The following BFSP1 variants were observed in gnomAD, a reference collection of about 807,000 sequenced individuals.
BFSP1 encodes beaded filament structural protein 1.
BFSP1 carries 38 observed loss-of-function variants against 43.9 expected under a neutral mutation model. That is an observed-to-expected ratio of 0.87 (90% confidence interval 0.67 to 1.14). The LOEUF is 1.14. BFSP1 is among the 50% of genes most tolerant of loss of function. The probability of loss-of-function intolerance (pLI) is 0.00; values close to 1 mark genes in which losing one functional copy is unlikely to be tolerated. For missense variants in BFSP1, 850 were observed against 875.1 expected, an observed-to-expected ratio of 0.97 and a Z score of 0.36; for synonymous variants, 352 against 354.8, an observed-to-expected ratio of 0.99 and a Z score of 0.09.
intron 1 of BFSP1, among the ~76,000 whole-genome samples, chr20:17,551,634 T>C (rs2034896820): frequency 6.6e-6 from 1 of 152,148 alleles, no homozygotes; most frequent in Non-Finnish European, 1.5e-5. Context: ...CAAATATGTA[T>C]TGACAACCTA....
chr20:17,536,236 A>C (rs952293886), upstream of BFSP1, among the ~76,000 whole-genome samples: 1 of 152,252 alleles, frequency 6.6e-6, no homozygotes, highest in African/African-American at 2.4e-5. Context: ...TTTAATGTTC[A>C]TCATATCTTT....
intron 1 of BFSP1, among the ~76,000 whole-genome samples, chr20:17,558,170 T>TTAGG (rs397957348): frequency 2.6e-5 from 4 of 151,408 alleles, no homozygotes; most frequent in Non-Finnish European, 5.9e-5. Context: ...TTTTTTTTTT[T>TTAGG]AGGAGAAAAA....
chr20:17,508,815 G>A, intron 5 of BFSP1, 74 bp downstream of exon 5: 1 of 1,317,058 alleles, frequency 7.6e-7, no homozygotes, highest in Non-Finnish European at 1.0e-6. Flanking sequence ...CAAGCTGCAT[G>A]CGTGTGCCTG....
In BFSP1 at chr20:17,530,975, C is replaced by A; in HGVS notation, c.355G>T (p.Ala119Ser). 1 of 1,438,882 alleles carries A rather than the reference C, an allele frequency of 6.9e-7. No homozygotes were observed. Among genetic ancestry groups the A allele is most frequent in the Non-Finnish European group, 9.1e-7 (1 of 1,099,772 alleles). The allele number at this position is 1,438,882 out of a possible 1,614,324, so 89.1% of individuals were successfully genotyped here. A position where few individuals can be genotyped will look rare whatever the true frequency, so the allele number is the denominator to read the frequency against. ...LERQGTEAQR[A>S]LDEFRSKYEN... ...TACTTGCTTCGGAACTCGTCGAGCGCGCGCTGCGCCTCGGTGCCCTGGCGC... is the reference window on the plus strand; with the variant it reads ...TACTTGCTTCGGAACTCGTCGAGCGAGCGCTGCGCCTCGGTGCCCTGGCGC... The change falls in exon 1 of 8, where the codon GCG becomes TCG. Residue 119 changes from alanine to serine, a missense_variant. Coordinates refer to ENST00000377873, the MANE Select transcript of BFSP1 (RefSeq NM_001195.5).
rs148783101 is a variant in BFSP1 at position 17,515,725 on chromosome 20, C to T, written c.439-909G>A. On this transcript the variant is annotated intron_variant, in intron 2 of 7. Transcript: ENST00000377873. ...ATTACAGGTGAGCATTACTTGGGTT[C>T]ATCAGGATTCCCCAGTCTCCCAAGA... Among the ~76,000 whole-genome samples, 14 of 152,278 alleles carry T rather than the reference C, an allele frequency of 9.2e-5. No homozygotes were observed. In the East Asian group the frequency reaches 2.5e-3, roughly 27 times the overall value.
chr20:17,496,835 C>A, intron 7 of BFSP1, 103 bp downstream of exon 7: 7 of 1,018,618 alleles, frequency 6.9e-6, no homozygotes, highest in Admixed American at 3.6e-5. Flanking sequence ...CATTTAATTT[C>A]CAGATGGATC....
chr20:17,511,199 A>G (rs961122659), intron 4 of BFSP1, among the ~76,000 whole-genome samples: 8 of 152,228 alleles, frequency 5.3e-5, no homozygotes, highest in African/African-American at 1.9e-4. Flanking sequence ...TTGAGCAGCT[A>G]GAGAGTCAAA....
intron 5 of BFSP1, among the ~76,000 whole-genome samples, chr20:17,503,961 T>A (rs910199809): frequency 1.1e-4 from 16 of 152,246 alleles, no homozygotes; most frequent in Non-Finnish European, 2.1e-4. Context: ...ACCTGTGATC[T>A]TTCTACCCTA....
In BFSP1 at chr20:17,531,358, C is replaced by G; in HGVS notation, c.-29G>C. ...TGCTCTGGCGCGGGCGCGCGGGCGG[C>G]GCCGAGCCGGCTCTCCAGGAGGCCC... On this transcript the variant is annotated 5_prime_UTR_variant, in exon 1 of 8. Coordinates refer to ENST00000377873, the MANE Select transcript of BFSP1 (RefSeq NM_001195.5). 7.4e-7 allele frequency: 1 copy of G among 1,350,764 alleles called. No homozygotes were observed. The highest frequency in any genetic ancestry group is 3.2e-5 in the East Asian group (1 of 31,496). 83.7% of individuals were successfully genotyped at this position (1,350,764 alleles called of 1,614,324 possible).
At chr20:17,531,422 C>T, upstream of BFSP1, 7 of 1,248,964 alleles carry the variant, frequency 5.6e-6, no homozygotes, top group South Asian at 9.8e-5. Flanking sequence ...ACACCGGAGG[C>T]CCCCGGCGCG....
chr20:17,502,654 T>C (rs1441405634), intron 5 of BFSP1, among the ~76,000 whole-genome samples: 1 of 152,214 alleles, frequency 6.6e-6, no homozygotes, highest in Non-Finnish European at 1.5e-5. Flanking sequence ...GAAGCTACTG[T>C]GCTGTTTTTG....
chr20:17,502,463 T>C (rs2033826553), intron 5 of BFSP1, among the ~76,000 whole-genome samples: 1 of 152,132 alleles, frequency 6.6e-6, no homozygotes, highest in South Asian at 2.1e-4. Flanking sequence ...CATCCCAGTA[T>C]GGGGGAGACA....
rs2033979218 is a variant in BFSP1 at position 17,507,888 on chromosome 20, A to G, written c.735+1001T>C. Among the ~76,000 whole-genome samples, 1 of 152,014 alleles carries G rather than the reference A, an allele frequency of 6.6e-6. No homozygotes were observed. The highest frequency in any genetic ancestry group is 2.1e-4 in the South Asian group (1 of 4,810). On this transcript the variant is annotated intron_variant, in intron 5 of 7. Coordinates refer to ENST00000377873, the MANE Select transcript of BFSP1 (RefSeq NM_001195.5). This position sits in a 1 kb window ranked among gnomAD's most constrained non-coding sequence, Gnocchi z 4.4. ...AGCCCCTGAGAGCTGCTGCACTGTG[A>G]GTTTTGTGTGGTGCGTGCTGGGATG...
intron 1 of BFSP1, among the ~76,000 whole-genome samples, chr20:17,564,450 A>G (rs933685946): frequency 3.9e-5 from 6 of 152,046 alleles, no homozygotes; most frequent in African/African-American, 1.4e-4. Flanking sequence ...CTGTACTTCT[A>G]TGTGTGAAGT....
At position 17,507,103 on chromosome 20, in the gene BFSP1, C is replaced by T. The variant is rs1305239914; in HGVS notation, c.735+1786G>A. The stretch of plus-strand genomic sequence containing the variant: ...TCTTATTTTGATATTCAACAAATAC[C>T]TGTACATAAAGAGAGGAACATTCTT... On this transcript the variant is annotated intron_variant, in intron 5 of 7. Transcript: ENST00000377873. This position sits in a 1 kb window ranked among gnomAD's most constrained non-coding sequence, Gnocchi z 4.4. 2 of 152,168 alleles carry T rather than the reference C, an allele frequency of 1.3e-5. No homozygotes were observed. The highest frequency in any genetic ancestry group is 6.5e-5 in the Admixed American group (1 of 15,282). The allele number at this position is 152,168 out of a possible 1,614,324, so 9.4% of individuals were successfully genotyped here. A position where few individuals can be genotyped will look rare whatever the true frequency, so the allele number is the denominator to read the frequency against.
Position 17,507,315 on chromosome 20 carries a change from A to G in BFSP1, c.735+1574T>C, listed in dbSNP as rs58930982. ...TGTGTGTGTGTGTGTGTATTTCAAC[A>G]TATCCATATGGATATAGAGAGATAA... is the stretch of plus-strand genomic sequence containing the variant. On this transcript the variant is annotated intron_variant, in intron 5 of 7. Transcript: ENST00000377873. The surrounding 1 kb of genome is among the most constrained non-coding windows in gnomAD (Gnocchi z 4.4). 6.9e-3 allele frequency among the ~76,000 whole-genome samples: 1,043 copies of G among 151,276 alleles called. 18 individuals carry two copies. Among genetic ancestry groups the G allele is most frequent in the African/African-American group, 0.024 (1,001 of 41,016 alleles).
At position 17,503,764 on chromosome 20, in the gene BFSP1, G is replaced by T. The variant is rs549144947; in HGVS notation, c.736-4724C>A. 2.9e-3 allele frequency among the ~76,000 whole-genome samples: 439 copies of T among 152,248 alleles called. 1 individual carries two copies. The highest frequency in any genetic ancestry group is 4.8e-3 in the South Asian group (23 of 4,828). On this transcript the variant is annotated intron_variant, in intron 5 of 7. Coordinates refer to ENST00000377873, the MANE Select transcript of BFSP1 (RefSeq NM_001195.5). ...GCACACACACACACTCTGTCTCCAG[G>T]GCCCCTGCAAACTCCCCATTCCCAC... is the stretch of plus-strand genomic sequence containing the variant.
chr20:17,494,798 T>C lies in BFSP1; in HGVS notation c.1274A>G (p.Glu425Gly), dbSNP rs2033590238. The C allele has an allele frequency of 6.2e-7, 1 of 1,614,090 alleles. No homozygotes were observed. ...ESKEVSPLTQ[E>G]GAPEDVPDGG... ...ATCTGGCACATCCTCTGGAGCCCCT[T>C]CTTGTGTCAGGGGACTTACTTCTTT... The change falls in exon 8 of 8, where the codon GAA becomes GGA. Residue 425 changes from glutamate to glycine, a missense_variant. Coordinates refer to ENST00000377873, the MANE Select transcript of BFSP1 (RefSeq NM_001195.5).
intron 1 of BFSP1, among the ~76,000 whole-genome samples, chr20:17,529,019 C>T (rs2034477335): frequency 6.6e-6 from 1 of 151,714 alleles, no homozygotes; most frequent in African/African-American, 2.4e-5. Context: ...TTTTAAAATT[C>T]ATTTATGTAA....
Sources: gnomAD v4.1 joint callset for allele counts (sites outside exome capture counted in the v4.1 genomes callset) on GRCh38, gnomAD v4.1.1 for gene constraint, Gnocchi (gnomAD v3.1) non-coding constraint, MANE v1.5 for transcripts, NCBI Gene and HGNC (gene_info 2026-07-23, HGNC 2026-07-21) for gene names.